Variants in ASB5 observed in about 807,000 individuals in gnomAD.
ASB5 encodes the protein ankyrin repeat and SOCS box protein 5.
A neutral mutation model predicts 42.1 loss-of-function variants in ASB5; 45 were observed. The ratio of observed to expected loss-of-function variants is 1.07; its 90% CI spans 0.84 to 1.37. The LOEUF (loss-of-function observed/expected upper bound fraction) is 1.37, where lower values mean the gene tolerates loss of function less well. ASB5 is among the 40% of genes most tolerant of loss of function. The pLI, the probability that ASB5 is intolerant of heterozygous loss-of-function variation, is 0.00. For synonymous variants in ASB5, 147 were observed against 150.6 expected (o/e 0.98, Z 0.18); for missense variants, 402 against 399.8 (o/e 1.01, Z -0.05).
chr4:176,241,543 G>A, intron 1 of ASB5: 1 of 1,528,192 alleles, frequency 6.5e-7, no homozygotes, highest in South Asian at 1.2e-5. Flanking sequence ...TGCTGCTTTG[G>A]GTTTCTTTAC....
intron 2 of ASB5, among the ~76,000 whole-genome samples, chr4:176,223,576 T>C (rs1214718116): frequency 6.6e-6 from 1 of 152,220 alleles, no homozygotes; most frequent in Non-Finnish European, 1.5e-5. Context: ...AAGCCAAATC[T>C]TCATAACATA....
intron 1 of ASB5, among the ~76,000 whole-genome samples, chr4:176,226,557 T>C (rs1214006086): frequency 6.6e-6 from 1 of 152,174 alleles, no homozygotes; most frequent in Non-Finnish European, 1.5e-5. Flanking sequence ...TCTTTCTCTG[T>C]CTATGTATCT....
intron 1 of ASB5, among the ~76,000 whole-genome samples, chr4:176,228,959 A>G (rs531499287): frequency 3.9e-5 from 6 of 152,060 alleles, no homozygotes; most frequent in Non-Finnish European, 8.8e-5. Context: ...TGAACACTTA[A>G]ATATTTAAGA....
intron 1 of ASB5, among the ~76,000 whole-genome samples, chr4:176,228,782 G>A (rs1339961202): frequency 2.0e-5 from 3 of 152,062 alleles, no homozygotes; most frequent in East Asian, 1.9e-4. Flanking sequence ...ATATGCAAAC[G>A]TTATCATCAT....
chr4:176,275,171 T>G (rs909562033), intron 2 of ASB5, among the ~76,000 whole-genome samples: 2 of 152,116 alleles, frequency 1.3e-5, no homozygotes, highest in African/African-American at 4.8e-5. Flanking sequence ...CGTCTCGGCC[T>G]CCCAAAGTGC....
At chr4:176,220,996 A>T (rs1463329944) in intron 5 of ASB5, among the ~76,000 whole-genome samples, 159 bp downstream of exon 5, 1 of 152,208 alleles carries the variant, frequency 6.6e-6, no homozygotes, top group East Asian at 1.9e-4. Context: ...CTTATCAAGA[A>T]TGAGGTTCTT....
intron 1 of ASB5, among the ~76,000 whole-genome samples, chr4:176,245,748 C>T (rs573483252): frequency 3.9e-5 from 6 of 152,112 alleles, no homozygotes; most frequent in Admixed American, 1.3e-4. Flanking sequence ...TCCTTTGCAG[C>T]GACATGGATG....
chr4:176,267,460 C>G (rs1754379450), intron 1 of ASB5, among the ~76,000 whole-genome samples: 1 of 151,968 alleles, frequency 6.6e-6, no homozygotes, highest in South Asian at 2.1e-4. Context: ...GACTCTGTCT[C>G]TACAAAGAAT....
At chr4:176,227,618 C>T (rs1269403607) in intron 1 of ASB5, among the ~76,000 whole-genome samples, 3 of 152,100 alleles carry the variant, frequency 2.0e-5, no homozygotes, top group Admixed American at 6.5e-5. Flanking sequence ...TTGAGGTTGG[C>T]GCTATTATTA....
At chr4:176,217,064 G>C in intron 5 of ASB5, 55 bp from the exon 6 acceptor site, 1 of 1,432,738 alleles carries the variant, frequency 7.0e-7, no homozygotes, top group Non-Finnish European at 9.5e-7. Flanking sequence ...AAATAAGCCA[G>C]CTGCCTCAGT....
upstream of ASB5, among the ~76,000 whole-genome samples, chr4:176,270,279 C>A: frequency 6.6e-6 from 1 of 151,928 alleles, no homozygotes; most frequent in African/African-American, 2.4e-5. Flanking sequence ...TTGAGAAGTT[C>A]CAAAATAACA....
Position 176,240,158 on chromosome 4 carries a change from A to G in ASB5, c.197-14817T>C, listed in dbSNP as rs28490294. Among the ~76,000 whole-genome samples the G allele has an allele frequency of 4.8e-3, 736 of 152,312 alleles. 10 individuals are homozygous for G. Among genetic ancestry groups the G allele is most frequent in the African/African-American group, 0.017 (708 of 41,580 alleles). On this transcript the variant is annotated intron_variant, in intron 1 of 6. Coordinates refer to ENST00000296525, the MANE Select transcript of ASB5 (RefSeq NM_080874.4). ...AGCCATATGAGTGGACAGAAGTTTTAAAGAGAGCCAGTATCAGATAAAACA... is the reference window on the plus strand; with the variant it reads ...AGCCATATGAGTGGACAGAAGTTTTGAAGAGAGCCAGTATCAGATAAAACA...
chr4:176,233,300 A>C (rs1297847316), intron 1 of ASB5, among the ~76,000 whole-genome samples: 1 of 152,230 alleles, frequency 6.6e-6, no homozygotes, highest in East Asian at 1.9e-4. Flanking sequence ...AGATATTGTC[A>C]AAATTTAGTA....
At chr4:176,267,579 T>C (rs4690427) in intron 1 of ASB5, among the ~76,000 whole-genome samples, 98,890 of 151,922 alleles carry the variant, frequency 0.65, 32,455 homozygotes, top group Middle Eastern at 0.72. Flanking sequence ...CCACTCCACT[T>C]CACTACACTC....
At chr4:176,228,960 A>G (rs917664802) in intron 1 of ASB5, among the ~76,000 whole-genome samples, 1 of 152,074 alleles carries the variant, frequency 6.6e-6, no homozygotes, top group Non-Finnish European at 1.5e-5. Context: ...GAACACTTAA[A>G]TATTTAAGAA....
intron 1 of ASB5, among the ~76,000 whole-genome samples, chr4:176,225,926 C>T (rs1753366243): frequency 6.6e-6 from 1 of 152,184 alleles, no homozygotes; most frequent in Non-Finnish European, 1.5e-5. Context: ...TCACTATTAA[C>T]CCTAGTGACT....
chr4:176,274,375 G>A (rs1754529078), intron 2 of ASB5, among the ~76,000 whole-genome samples: 1 of 152,112 alleles, frequency 6.6e-6, no homozygotes. Context: ...AAAAACCCCT[G>A]ATATATTTAT....
At chr4:176,239,480 T>G (rs1316277459) in intron 1 of ASB5, among the ~76,000 whole-genome samples, 1 of 152,200 alleles carries the variant, frequency 6.6e-6, no homozygotes, top group Non-Finnish European at 1.5e-5. Flanking sequence ...TCATAAGTAC[T>G]GTGACAATTT....
intron 1 of ASB5, among the ~76,000 whole-genome samples, chr4:176,231,881 C>T (rs183931958): frequency 1.4e-3 from 194 of 136,920 alleles, no homozygotes; most frequent in Non-Finnish European, 2.6e-3. Flanking sequence ...AAAGTCTTTA[C>T]CTGCTCCCAA....
Sources: allele counts gnomAD v4.1 joint callset (sites outside exome capture counted in the v4.1 genomes callset), GRCh38; gene constraint gnomAD v4.1.1; transcripts MANE v1.5; gene names NCBI Gene and HGNC (gene_info 2026-07-23, HGNC 2026-07-21).